Variants in WWC2 observed in about 807,000 individuals in gnomAD.
WWC2 encodes the protein WW and C2 domain containing 2.
Under a neutral mutation model 138.5 loss-of-function variants are expected in WWC2, and 101 were observed. The observed-to-expected ratio is 0.73, with a 90% confidence interval of 0.62 to 0.86. The LOEUF is 0.86. Ranked by LOEUF, WWC2 falls within the 40% of genes least tolerant of loss-of-function variation. WWC2 has a pLI of 0.00. For synonymous variants in WWC2, 558 were observed against 538.4 expected, an observed-to-expected ratio of 1.04 and a Z score of -0.50; for missense variants, 1,420 against 1,419.4, an observed-to-expected ratio of 1.00 and a Z score of -0.01.
At chr4:183,226,019 A>G (rs1022807632) in intron 4 of WWC2, among the ~76,000 whole-genome samples, 7 of 152,276 alleles carry the variant, frequency 4.6e-5, no homozygotes, top group Non-Finnish European at 8.8e-5. Context: ...CCTGGATGCC[A>G]GCTAAGTTAG....
intron 1 of WWC2, among the ~76,000 whole-genome samples, chr4:183,184,266 T>C (rs1734730337): frequency 6.6e-6 from 1 of 152,246 alleles, no homozygotes; most frequent in Admixed American, 6.5e-5. Context: ...TCACTTAGCA[T>C]AATGTTTTGG....
intron 4 of WWC2, among the ~76,000 whole-genome samples, chr4:183,222,156 G>A (rs144218238): frequency 0.01 from 1,564 of 152,244 alleles, 31 homozygotes; most frequent in African/African-American, 0.036. Flanking sequence ...ATAAAGAGGC[G>A]TGAGGAAATA....
At chr4:183,222,042 T>G (rs1297376415) in intron 4 of WWC2, among the ~76,000 whole-genome samples, 1 of 152,284 alleles carries the variant, frequency 6.6e-6, no homozygotes, top group Non-Finnish European at 1.5e-5. Context: ...TTGTGATATA[T>G]CCATAAAATG....
intron 1 of WWC2, among the ~76,000 whole-genome samples, chr4:183,160,630 T>C (rs934324906): frequency 1.3e-5 from 2 of 152,198 alleles, no homozygotes; most frequent in Non-Finnish European, 2.9e-5. Flanking sequence ...TCAGTTTGGT[T>C]AGCATTAAGG....
chr4:183,128,819 A>G (rs911073159), intron 1 of WWC2, among the ~76,000 whole-genome samples: 2 of 152,218 alleles, frequency 1.3e-5, no homozygotes, highest in Non-Finnish European at 2.9e-5. Context: ...GTTGCCTCCA[A>G]AATAATGTGT....
intron 4 of WWC2, among the ~76,000 whole-genome samples, chr4:183,238,849 C>T (rs940909759): frequency 6.6e-6 from 1 of 152,134 alleles, no homozygotes; most frequent in African/African-American, 2.4e-5. Context: ...TATCTGGCTG[C>T]TCCATGGTCT....
chr4:183,320,557 A>T lies in WWC2; in HGVS notation c.*4828A>T, dbSNP rs945507957. Reference sequence around the variant, plus strand: ...TTAAAATGGCTTTCATGTTATTCCCAACCTTTCTAACAAAGAATTAAGTCT... The same window carrying T: ...TTAAAATGGCTTTCATGTTATTCCCTACCTTTCTAACAAAGAATTAAGTCT... On this transcript the variant is annotated 3_prime_UTR_variant, in exon 23 of 23. Coordinates refer to ENST00000403733, the MANE Select transcript of WWC2 (RefSeq NM_024949.6). 3.5e-6 allele frequency: 1 copy of T among 285,424 alleles called. No homozygotes were observed. Among genetic ancestry groups the T allele is most frequent in the Non-Finnish European group, 7.0e-6 (1 of 143,758 alleles). The allele number at this position is 285,424 out of a possible 1,614,324, so 17.7% of individuals were successfully genotyped here.
intron 4 of WWC2, among the ~76,000 whole-genome samples, chr4:183,239,630 A>G (rs1334201139): frequency 1.3e-5 from 2 of 152,224 alleles, no homozygotes; most frequent in Admixed American, 6.5e-5. Context: ...TACACGGAGA[A>G]TTTCAGCTCC....
intron 1 of WWC2, among the ~76,000 whole-genome samples, chr4:183,148,863 A>G (rs969377602): frequency 6.6e-6 from 1 of 152,198 alleles, no homozygotes; most frequent in African/African-American, 2.4e-5. Context: ...ACAGTAGCTC[A>G]TGCCTGCAAT....
At chr4:183,114,153 G>C (rs1732338347) in intron 1 of WWC2, among the ~76,000 whole-genome samples, 2 of 152,068 alleles carry the variant, frequency 1.3e-5, no homozygotes, top group Admixed American at 6.5e-5. Context: ...TGCAGTATCT[G>C]GTTGTTTAAG....
chr4:183,142,884 A>G (rs1733343824), intron 1 of WWC2, among the ~76,000 whole-genome samples: 1 of 152,222 alleles, frequency 6.6e-6, no homozygotes, highest in Non-Finnish European at 1.5e-5. Flanking sequence ...ACTTCCTTCC[A>G]TAAATTATAT....
chr4:183,256,487 C>T (rs1240299848), intron 9 of WWC2, among the ~76,000 whole-genome samples: 1 of 152,112 alleles, frequency 6.6e-6, no homozygotes, highest in African/African-American at 2.4e-5. Context: ...TGTCTTCCTC[C>T]TGTGTGTGTG....
At chr4:183,159,641 G>A (rs1733900804) in intron 1 of WWC2, among the ~76,000 whole-genome samples, 2 of 151,282 alleles carry the variant, frequency 1.3e-5, no homozygotes, top group South Asian at 4.2e-4. Context: ...CTAGGCTCAG[G>A]TGATCCATCT....
intron 1 of WWC2, among the ~76,000 whole-genome samples, chr4:183,100,804 T>G (rs1743155113): frequency 6.6e-6 from 1 of 152,254 alleles, no homozygotes; most frequent in Non-Finnish European, 1.5e-5. Flanking sequence ...TGTTCAATTA[T>G]CCGTGAAGCT....
intron 1 of WWC2, among the ~76,000 whole-genome samples, chr4:183,104,576 C>T (rs1193063501): frequency 6.6e-6 from 1 of 152,156 alleles, no homozygotes; most frequent in African/African-American, 2.4e-5. Context: ...GGAATTGTTC[C>T]TCTCCAGCAG....
chr4:183,138,508 T>C (rs747233932), intron 1 of WWC2, among the ~76,000 whole-genome samples: 11 of 152,238 alleles, frequency 7.2e-5, no homozygotes, highest in Non-Finnish European at 1.6e-4. Context: ...CATTCTTTTA[T>C]GTGTTATCTA....
At chr4:183,222,130 C>T (rs1236167801) in intron 4 of WWC2, among the ~76,000 whole-genome samples, 1 of 151,984 alleles carries the variant, frequency 6.6e-6, no homozygotes, top group Non-Finnish European at 1.5e-5. Context: ...TGCTAGGGGC[C>T]AGGTAGAGAT....
intron 1 of WWC2, among the ~76,000 whole-genome samples, chr4:183,126,638 T>G (rs2111060720): frequency 6.6e-6 from 1 of 152,282 alleles, no homozygotes; most frequent in East Asian, 1.9e-4. Flanking sequence ...GATAGATTAG[T>G]TTTTACATCA....
intron 1 of WWC2, among the ~76,000 whole-genome samples, chr4:183,159,030 T>A (rs1163394477): frequency 2.6e-5 from 4 of 152,196 alleles, no homozygotes; most frequent in Non-Finnish European, 5.9e-5. Context: ...CCTGCCAGCT[T>A]GGTTCTGCTG....
Sources: allele counts gnomAD v4.1 joint callset (sites outside exome capture counted in the v4.1 genomes callset), GRCh38; gene constraint gnomAD v4.1.1; transcripts MANE v1.5; gene names NCBI Gene and HGNC (gene_info 2026-07-23, HGNC 2026-07-21).